Variants in LRRC28 observed in about 807,000 individuals in gnomAD.
LRRC28 encodes the protein leucine-rich repeat-containing protein 28.
Under a neutral mutation model 45.7 loss-of-function variants are expected in LRRC28, and 39 were observed. The ratio of observed to expected loss-of-function variants is 0.85; its 90% CI spans 0.66 to 1.12. The LOEUF (loss-of-function observed/expected upper bound fraction) is 1.12. Ranked by LOEUF, LRRC28 falls within the 50% of genes most tolerant of loss-of-function variation. The pLI is 0.00. For synonymous variants in LRRC28, 206 were observed against 178.8 expected (o/e 1.15, Z -1.22); for missense variants, 435 against 438.5 (o/e 0.99, Z 0.07).
intron 9 of LRRC28, among the ~76,000 whole-genome samples, chr15:99,382,801 A>T (rs1192336669): frequency 1.3e-5 from 2 of 151,928 alleles, no homozygotes; most frequent in African/African-American, 4.8e-5. Flanking sequence ...AGTGTTCTGT[A>T]TATGTCAGAT....
Position 99,270,208 on chromosome 15 carries a change from A to T in LRRC28, c.169-6368A>T, listed in dbSNP as rs139743338. 4.0e-3 allele frequency among the ~76,000 whole-genome samples: 616 copies of T among 152,340 alleles called. 6 individuals are homozygous for T. The highest frequency in any genetic ancestry group is 5.2e-3 in the Non-Finnish European group (353 of 68,040). On this transcript the variant is annotated intron_variant, in intron 2 of 9. Transcript: ENST00000301981. Reference sequence around the variant, plus strand: ...GTGTGTTGTGGTAGTTTGTGAATGAAGTACTTTTTATTCCTTCAGTGCCAA... The same window carrying T: ...GTGTGTTGTGGTAGTTTGTGAATGATGTACTTTTTATTCCTTCAGTGCCAA...
intron 2 of LRRC28, among the ~76,000 whole-genome samples, chr15:99,268,592 G>C (rs999366150): frequency 1.3e-5 from 2 of 152,096 alleles, no homozygotes; most frequent in Non-Finnish European, 2.9e-5. Context: ...TAGTCCCATC[G>C]AATCAGTCAA....
At chr15:99,358,374 A>G (rs1196099618) in intron 7 of LRRC28, among the ~76,000 whole-genome samples, 1 of 152,224 alleles carries the variant, frequency 6.6e-6, no homozygotes, top group African/African-American at 2.4e-5. Context: ...ACCTGTCTTA[A>G]CATAGAAATC....
In LRRC28 at chr15:99,352,480, G is replaced by A. The variant is rs182994734; in HGVS notation, c.695+9G>A. On this transcript the variant is annotated intron_variant, in intron 7 of 9. Transcript: ENST00000301981. ...GTCATCGGGTGCAGTGGGTAAGGCCGATTTCACATTTTGAACTAAAAAATA... is the reference window on the plus strand; with the variant it reads ...GTCATCGGGTGCAGTGGGTAAGGCCAATTTCACATTTTGAACTAAAAAATA... 7 of 1,595,926 alleles carry A rather than the reference G, an allele frequency of 4.4e-6. No homozygotes were observed. Among genetic ancestry groups the A allele is most frequent in the South Asian group, 2.3e-5 (2 of 88,152 alleles).
intron 9 of LRRC28, 109 bp from the exon 10 acceptor site, chr15:99,385,921 G>T: frequency 2.1e-6 from 2 of 932,232 alleles, no homozygotes; most frequent in South Asian, 1.3e-5. Flanking sequence ...GCAGTTTGTT[G>T]ACCATGGCTA....
chr15:99,270,614 T>G (rs763150238), intron 2 of LRRC28, among the ~76,000 whole-genome samples: 3 of 152,238 alleles, frequency 2.0e-5, no homozygotes, highest in South Asian at 2.1e-4. Context: ...ACTTCTTTTT[T>G]TGTGTGTGAT....
At chr15:99,290,578 T>A (rs918455627) in intron 5 of LRRC28, among the ~76,000 whole-genome samples, 4 of 152,184 alleles carry the variant, frequency 2.6e-5, no homozygotes, top group African/African-American at 7.2e-5. Context: ...GAAACTTACA[T>A]AAGATATACA....
At chr15:99,258,116 A>G (rs1277517895) in intron 2 of LRRC28, 4 of 1,599,026 alleles carry the variant, frequency 2.5e-6, no homozygotes, top group African/African-American at 2.7e-5. Context: ...CCTTGGTACC[A>G]TAGCCAAATC....
At chr15:99,256,417 G>A in intron 2 of LRRC28, 1 of 195,246 alleles carries the variant, frequency 5.1e-6, no homozygotes, top group Admixed American at 6.0e-5. Context: ...ATGTGCTTCT[G>A]TCCTGACTTG....
chr15:99,275,513 G>A (rs566133390), intron 2 of LRRC28, among the ~76,000 whole-genome samples: 154 of 152,354 alleles, frequency 1.0e-3, no homozygotes, highest in African/African-American at 3.6e-3. Context: ...CGAGGAGCAT[G>A]ATTTGGGAAT....
At chr15:99,323,423 G>A (rs969696619) in intron 5 of LRRC28, among the ~76,000 whole-genome samples, 3 of 152,162 alleles carry the variant, frequency 2.0e-5, no homozygotes, top group Non-Finnish European at 4.4e-5. Context: ...TTGTTACAAG[G>A]AATGTCTAAG....
intron 5 of LRRC28, among the ~76,000 whole-genome samples, chr15:99,304,347 A>T (rs1289445769): frequency 1.3e-5 from 2 of 151,866 alleles, no homozygotes; most frequent in East Asian, 3.9e-4. Flanking sequence ...CGGTTTGTGT[A>T]TTTTTTTAAT....
chr15:99,313,953 T>C (rs1955504956), intron 5 of LRRC28, among the ~76,000 whole-genome samples: 1 of 152,174 alleles, frequency 6.6e-6, no homozygotes, highest in Non-Finnish European at 1.5e-5. Context: ...GGCTGCAGAC[T>C]TCCACTGTTC....
At chr15:99,260,358 C>G (rs2081160578) in intron 2 of LRRC28, among the ~76,000 whole-genome samples, 2 of 152,202 alleles carry the variant, frequency 1.3e-5, no homozygotes, top group African/African-American at 4.8e-5. Flanking sequence ...TAAGAATCTA[C>G]TGTCCAGTAA....
At chr15:99,260,091 A>C (rs2081151961) in intron 2 of LRRC28, 1 of 487,806 alleles carries the variant, frequency 2.0e-6, no homozygotes. Context: ...TTTGGCAGAG[A>C]CTTGTTTTGG....
intron 5 of LRRC28, among the ~76,000 whole-genome samples, chr15:99,300,282 C>T (rs1234212357): frequency 1.3e-5 from 2 of 151,742 alleles, no homozygotes; most frequent in Non-Finnish European, 2.9e-5. Context: ...GAAAAAAATG[C>T]TGAAAGATAT....
chr15:99,342,250 A>C (rs765560348), intron 6 of LRRC28, among the ~76,000 whole-genome samples: 18 of 152,210 alleles, frequency 1.2e-4, no homozygotes, highest in Non-Finnish European at 2.6e-4. Flanking sequence ...TGCCTTGGGC[A>C]AGAACCAGCT....
intron 5 of LRRC28, among the ~76,000 whole-genome samples, chr15:99,333,028 G>A (rs947012792): frequency 6.6e-6 from 1 of 152,214 alleles, no homozygotes; most frequent in African/African-American, 2.4e-5. Flanking sequence ...TCTCCATGAT[G>A]TGAAAGTAGG....
At chr15:99,287,476 CTA>C (rs2081989922) in intron 4 of LRRC28, among the ~76,000 whole-genome samples, 182 bp downstream of exon 4, 1 of 151,882 alleles carries the variant, frequency 6.6e-6, no homozygotes, top group Admixed American at 6.6e-5. Context: ...GTTAGGTAAA[CTA>C]TTGTTGGATA....
Sources: gnomAD v4.1 joint callset for allele counts (sites outside exome capture counted in the v4.1 genomes callset) on GRCh38, gnomAD v4.1.1 for gene constraint, MANE v1.5 for transcripts, NCBI Gene and HGNC (gene_info 2026-07-23, HGNC 2026-07-21) for gene names.